The following PKIG variants were observed in gnomAD, a reference collection of about 807,000 sequenced individuals.
PKIG encodes protein kinase (cAMP-dependent, catalytic) inhibitor gamma.
Under a neutral mutation model 6.8 loss-of-function variants are expected in PKIG, and 1 was observed. That is an observed-to-expected ratio of 0.15 (90% CI 0.05 to 0.69). The LOEUF (loss-of-function observed/expected upper bound fraction) is 0.69. Among genes scored for constraint, PKIG ranks in the 30% least tolerant of loss-of-function variants. The pLI is 0.82. For missense variants in PKIG, 77 were observed against 104.0 expected (o/e 0.74, Z 1.13); for synonymous variants, 39 against 43.0 (o/e 0.91, Z 0.36).
chr20:44,567,872 A>G (rs1386165682), intron 1 of PKIG, among the ~76,000 whole-genome samples: 1 of 152,182 alleles, frequency 6.6e-6, no homozygotes, highest in Non-Finnish European at 1.5e-5. Context: ...TTTCACTATT[A>G]TAAATAACTC....
chr20:44,533,714 A>G (rs146918095), intron 1 of PKIG, among the ~76,000 whole-genome samples: 1 of 152,298 alleles, frequency 6.6e-6, no homozygotes, highest in East Asian at 1.9e-4. Context: ...ATTCAGGGCT[A>G]CTGCATTGCA....
intron 1 of PKIG, among the ~76,000 whole-genome samples, chr20:44,561,060 G>C (rs574439533): frequency 1.2e-4 from 18 of 152,340 alleles, no homozygotes; most frequent in African/African-American, 4.1e-4. Flanking sequence ...ACAATGGGCC[G>C]GGTGTGATGG....
At chr20:44,584,722 C>CTTT in intron 1 of PKIG, among the ~76,000 whole-genome samples, 1 of 140,302 alleles carries the variant, frequency 7.1e-6, no homozygotes, top group South Asian at 2.3e-4. Flanking sequence ...CTTGGCACTT[C>CTTT]TTTTTTTTTT....
At chr20:44,544,338 C>T (rs933423663) in intron 1 of PKIG, among the ~76,000 whole-genome samples, 6 of 151,906 alleles carry the variant, frequency 3.9e-5, no homozygotes, top group Non-Finnish European at 5.9e-5. Context: ...GGTGAATGGA[C>T]GCTGAGTAGA....
Position 44,614,807 on chromosome 20 carries a change from A to G in PKIG, c.151+100A>G. On this transcript the variant is annotated intron_variant, in intron 3 of 3. Transcript: ENST00000372886. This position sits in a 1 kb window ranked among gnomAD's most constrained non-coding sequence, Gnocchi z 4.6. ...CTAGACTGCCCATACTTTCTTAGAG[A>G]AGAAACCACATTTAAGTCAGGCCTG... is the stretch of plus-strand genomic sequence containing the variant. 8.1e-7 allele frequency: 1 copy of G among 1,240,004 alleles called. No individual in the cohort carries two copies. Among genetic ancestry groups the G allele is most frequent in the African/African-American group, 1.5e-5 (1 of 67,120 alleles). The allele number at this position is 1,240,004 out of a possible 1,614,324, so 76.8% of individuals were successfully genotyped here.
At chr20:44,613,310 C>T (rs1446135426) in intron 2 of PKIG, among the ~76,000 whole-genome samples, 2 of 152,118 alleles carry the variant, frequency 1.3e-5, no homozygotes, top group Admixed American at 6.5e-5. Flanking sequence ...GAACTACAGG[C>T]GCCCGCCACC....
At chr20:44,593,403 AC>A (rs2065050403) in intron 2 of PKIG, among the ~76,000 whole-genome samples, 1 of 149,888 alleles carries the variant, frequency 6.7e-6, no homozygotes, top group African/African-American at 2.5e-5. Context: ...ACACACACAC[AC>A]ACACACACGA....
chr20:44,617,911 A>AC, intron 3 of PKIG, among the ~76,000 whole-genome samples: 1 of 151,342 alleles, frequency 6.6e-6, no homozygotes, highest in Non-Finnish European at 1.5e-5. Flanking sequence ...AAAAAAACAA[A>AC]CAAACAGAAC....
At chr20:44,558,272 A>G (rs1161049933) in intron 1 of PKIG, among the ~76,000 whole-genome samples, 1 of 152,222 alleles carries the variant, frequency 6.6e-6, no homozygotes, top group Non-Finnish European at 1.5e-5. Context: ...TATATTTTAC[A>G]TACATAGCTT....
intron 1 of PKIG, among the ~76,000 whole-genome samples, chr20:44,587,571 C>T (rs564276443): frequency 1.6e-4 from 25 of 152,122 alleles, no homozygotes; most frequent in African/African-American, 4.8e-4. Context: ...ACTGATTTTC[C>T]GTTGGTTTGT....
At chr20:44,575,217 T>C (rs1040798696) in intron 1 of PKIG, among the ~76,000 whole-genome samples, 10 of 152,112 alleles carry the variant, frequency 6.6e-5, no homozygotes, top group Admixed American at 6.5e-4. Context: ...CATGCCTGGC[T>C]AATTTTTGTA....
intron 2 of PKIG, among the ~76,000 whole-genome samples, chr20:44,602,094 A>G (rs1600891531): frequency 6.6e-6 from 1 of 152,198 alleles, no homozygotes; most frequent in African/African-American, 2.4e-5. Context: ...GGTCAATCAC[A>G]TGTCTGGCAA....
intron 2 of PKIG, among the ~76,000 whole-genome samples, chr20:44,598,446 A>C (rs555889242): frequency 8.5e-5 from 13 of 152,134 alleles, no homozygotes; most frequent in African/African-American, 3.1e-4. Context: ...AGAGATACCC[A>C]GTTTCCCCCT....
chr20:44,547,001 A>G (rs2064621146), intron 1 of PKIG, among the ~76,000 whole-genome samples: 1 of 152,216 alleles, frequency 6.6e-6, no homozygotes, highest in African/African-American at 2.4e-5. Context: ...GTCCTCCTCC[A>G]TAATTACCTT....
In PKIG at chr20:44,612,576, TTTGTTAATATAGTAGCAGTACTTC is replaced by T. The variant is rs1216544478; in HGVS notation, c.-23-1952_-23-1929del. On this transcript the variant is annotated intron_variant, in intron 2 of 3. Transcript: ENST00000372886. ...TAGTATCCCCTTCGCAAATTAACCT[TTTGTTAATATAGTAGCAGTACTTC>T]TTGTTGCCAAGAGTACATAAATGGA... Among the ~76,000 whole-genome samples, 4 of 152,180 alleles carry T rather than the reference TTTGTTAATATAGTAGCAGTACTTC, an allele frequency of 2.6e-5. No homozygotes were observed. The East Asian group carries it at 7.7e-4, about 29-fold the overall frequency.
chr20:44,568,384 AAT>A (rs1307763124), intron 1 of PKIG, among the ~76,000 whole-genome samples: 2 of 152,140 alleles, frequency 1.3e-5, no homozygotes, highest in Non-Finnish European at 2.9e-5. Context: ...GCTACTGATT[AAT>A]AGTTTCTTCC....
intron 1 of PKIG, among the ~76,000 whole-genome samples, chr20:44,545,587 G>A (rs1488596335): frequency 2.0e-5 from 3 of 152,152 alleles, no homozygotes; most frequent in Non-Finnish European, 4.4e-5. Flanking sequence ...CTGGGAGGCT[G>A]AGGCAGGAAG....
chr20:44,611,741 G>C (rs2065221162), intron 2 of PKIG, among the ~76,000 whole-genome samples: 1 of 148,858 alleles, frequency 6.7e-6, no homozygotes, highest in Non-Finnish European at 1.5e-5. Context: ...GGATGGTCTC[G>C]ATCTCCTGAC....
At chr20:44,558,172 C>T (rs929452591) in intron 1 of PKIG, among the ~76,000 whole-genome samples, 12 of 152,084 alleles carry the variant, frequency 7.9e-5, no homozygotes, top group African/African-American at 2.2e-4. Context: ...TTCTAATATA[C>T]GGAGAGGTTG....
Sources: allele counts gnomAD v4.1 joint callset (sites outside exome capture counted in the v4.1 genomes callset), GRCh38; gene constraint gnomAD v4.1.1; non-coding constraint Gnocchi (gnomAD v3.1); transcripts MANE v1.5; gene names NCBI Gene and HGNC (gene_info 2026-07-23, HGNC 2026-07-21).